The following CORO2A variants were observed in gnomAD, a reference collection of about 807,000 sequenced individuals.
The protein encoded by CORO2A is coronin 2A, also known as coronin-2A.
Under a neutral mutation model 62.4 loss-of-function variants are expected in CORO2A, and 47 were observed. That is an observed-to-expected ratio of 0.75 (90% CI 0.60 to 0.96). CORO2A has a LOEUF of 0.96. CORO2A is among the 40% of genes least tolerant of loss of function. The pLI is 0.00. For synonymous variants in CORO2A, 273 were observed against 268.9 expected (o/e 1.02, Z -0.15); for missense variants, 610 against 684.1 (o/e 0.89, Z 1.21).
intron 1 of CORO2A, among the ~76,000 whole-genome samples, chr9:98,190,834 G>A (rs998277275): frequency 2.6e-5 from 4 of 152,210 alleles, no homozygotes; most frequent in Admixed American, 1.3e-4. Context: ...GGGCTCATGG[G>A]CCAGCACATA....
At chr9:98,137,288 C>T (rs1160697443) in intron 3 of CORO2A, among the ~76,000 whole-genome samples, 1 of 152,148 alleles carries the variant, frequency 6.6e-6, no homozygotes, top group Non-Finnish European at 1.5e-5. Context: ...ATGGGTTTTC[C>T]CATCGGAATA....
chr9:98,176,601 G>A (rs897983487), intron 1 of CORO2A, among the ~76,000 whole-genome samples: 3 of 152,098 alleles, frequency 2.0e-5, no homozygotes, highest in Non-Finnish European at 4.4e-5. Context: ...GCTCCACTGG[G>A]GGGTGGGGGT....
intron 1 of CORO2A, among the ~76,000 whole-genome samples, chr9:98,170,812 G>C (rs1828023623): frequency 6.6e-6 from 1 of 152,090 alleles, no homozygotes; most frequent in Non-Finnish European, 1.5e-5. Context: ...CCCGCTTTCT[G>C]AGTTTCTATC....
intron 11 of CORO2A, among the ~76,000 whole-genome samples, chr9:98,125,660 T>G (rs1827305214): frequency 6.6e-6 from 1 of 151,964 alleles, no homozygotes; most frequent in Admixed American, 6.6e-5. Flanking sequence ...GGAAAGACTT[T>G]GATACCCACT....
chr9:98,171,913 T>G (rs1005570104), intron 1 of CORO2A, among the ~76,000 whole-genome samples: 1 of 152,006 alleles, frequency 6.6e-6, no homozygotes, highest in African/African-American at 2.4e-5. Flanking sequence ...AGAGCCGAAA[T>G]AGACTTAACC....
intron 2 of CORO2A, among the ~76,000 whole-genome samples, chr9:98,140,722 G>A (rs1341914880): frequency 6.6e-6 from 1 of 152,106 alleles, no homozygotes; most frequent in African/African-American, 2.4e-5. Flanking sequence ...GGGATTACAG[G>A]CATGGGCCAC....
At chr9:98,138,457 T>C (rs1827519634) in intron 2 of CORO2A, among the ~76,000 whole-genome samples, 1 of 150,484 alleles carries the variant, frequency 6.6e-6, no homozygotes, top group Non-Finnish European at 1.5e-5. Flanking sequence ...CACAACAATA[T>C]TCTTCATAAT....
chr9:98,127,469 A>G (rs753250461), intron 10 of CORO2A, among the ~76,000 whole-genome samples: 1 of 152,142 alleles, frequency 6.6e-6, no homozygotes, highest in Non-Finnish European at 1.5e-5. Context: ...CAGAGTGGGC[A>G]GAGGGACCTG....
chr9:98,145,078 T>C (rs1011274937), intron 2 of CORO2A, among the ~76,000 whole-genome samples: 16 of 152,090 alleles, frequency 1.1e-4, no homozygotes, highest in Non-Finnish European at 4.4e-5. Context: ...AGAGCATCCT[T>C]CATCACCCCT....
chr9:98,131,518 T>G (rs974172655), intron 6 of CORO2A, among the ~76,000 whole-genome samples: 1 of 151,932 alleles, frequency 6.6e-6, no homozygotes, highest in African/African-American at 2.4e-5. Context: ...GGGGTCCTGC[T>G]GTGTAGCTCA....
At chr9:98,143,958 A>T (rs751234762) in intron 2 of CORO2A, among the ~76,000 whole-genome samples, 14 of 152,182 alleles carry the variant, frequency 9.2e-5, no homozygotes, top group Non-Finnish European at 1.9e-4. Flanking sequence ...CTGTAATTCC[A>T]GCACTTTGGA....
At chr9:98,156,672 C>T (rs1490903917) in intron 2 of CORO2A, among the ~76,000 whole-genome samples, 1 of 152,192 alleles carries the variant, frequency 6.6e-6, no homozygotes, top group Admixed American at 6.5e-5. Flanking sequence ...CTTCTGAAGT[C>T]CTCTGGGGGT....
chr9:98,135,003 G>C, intron 3 of CORO2A, 48 bp from the exon 4 acceptor site: 1 of 1,599,304 alleles, frequency 6.3e-7, no homozygotes, highest in Non-Finnish European at 8.5e-7. Flanking sequence ...GGGCACCTTG[G>C]CACCGTCACC....
At chr9:98,184,087 C>A (rs1023114956) in intron 1 of CORO2A, among the ~76,000 whole-genome samples, 11 of 152,144 alleles carry the variant, frequency 7.2e-5, no homozygotes, top group Non-Finnish European at 1.2e-4. Flanking sequence ...AAACACTATA[C>A]TATTTTATAT....
At chr9:98,133,499 C>G (rs932571471) in intron 4 of CORO2A, among the ~76,000 whole-genome samples, 1 of 152,172 alleles carries the variant, frequency 6.6e-6, no homozygotes, top group African/African-American at 2.4e-5. Flanking sequence ...ACCAGCTAAT[C>G]CAGGCGGTTT....
At chr9:98,131,331 T>TA (rs1491494804) in intron 6 of CORO2A, among the ~76,000 whole-genome samples, 6 of 6,174 alleles carry the variant, frequency 9.7e-4, no homozygotes, top group Non-Finnish European at 1.5e-3. Flanking sequence ...AACAAATCAC[T>TA]TTTTTTTTTT....
rs1828098585 is a variant in CORO2A at position 98,175,699 on chromosome 9, TGACATGGTAG to T, written c.-1+16850_-1+16859del. Among the ~76,000 whole-genome samples the T allele has an allele frequency of 2.0e-5, 3 of 152,326 alleles. No individual in the cohort carries two copies. The East Asian group carries it at 5.8e-4, about 29-fold the overall frequency. On this transcript the variant is annotated intron_variant, in intron 1 of 11. Transcript: ENST00000375077. ...GGAGAGGCAGCAGCACAGTGGCTACTGACATGGTAGGGAACCTGCCTGCCGGGCTCAGACA... is the reference window on the plus strand; with the variant it reads ...GGAGAGGCAGCAGCACAGTGGCTACTGGAACCTGCCTGCCGGGCTCAGACA...
In CORO2A at chr9:98,129,794, C is replaced by G. The variant is rs765933563; in HGVS notation, c.967G>C (p.Gly323Arg). 1.4e-5 allele frequency: 22 copies of G among 1,611,500 alleles called. No homozygotes were observed. Among genetic ancestry groups the G allele is most frequent in the East Asian group, 2.2e-5 (1 of 44,876 alleles). The change falls in exon 8 of 12, where the codon GGT (glycine) becomes CGT (arginine). Residue 323 changes from glycine (G) to arginine (R), a missense_variant and splice_region_variant. Coordinates refer to ENST00000375077, the MANE Select transcript of CORO2A (RefSeq NM_052820.4). ...YRSYNPQKGI[G>R]VMPKRGLDVS... Reference sequence around the variant, plus strand: ...ATGAACTTCAGTGTCCCTCACTTACCGATCCCCTTCTGTGGGTTATAGGAG... The same window carrying G: ...ATGAACTTCAGTGTCCCTCACTTACGGATCCCCTTCTGTGGGTTATAGGAG...
chr9:98,131,064 A>AGGGGAAGGGGAGGC lies in CORO2A; in HGVS notation c.766-19_766-6dup, dbSNP rs778859534. 1 of 1,603,986 alleles carries AGGGGAAGGGGAGGC rather than the reference A, an allele frequency of 6.2e-7. No homozygotes were observed. Among genetic ancestry groups the AGGGGAAGGGGAGGC allele is most frequent in the Non-Finnish European group, 8.5e-7 (1 of 1,174,086 alleles). On this transcript the variant is annotated splice_polypyrimidine_tract_variant and splice_region_variant and intron_variant, in intron 6 of 11. Transcript: ENST00000375077. The stretch of plus-strand genomic sequence containing the variant: ...CAGAGGCACAGAGAGGTTATCCTGC[A>AGGGGAAGGGGAGGC]GGGGAAGGGGAGGCAGGGAAGGCCT...
Sources: gnomAD v4.1 joint callset for allele counts (sites outside exome capture counted in the v4.1 genomes callset) on GRCh38, gnomAD v4.1.1 for gene constraint, MANE v1.5 for transcripts, NCBI Gene and HGNC (gene_info 2026-07-23, HGNC 2026-07-21) for gene names.